The following CSMD1 variants were observed in gnomAD, a reference collection of about 807,000 sequenced individuals.
CSMD1 encodes the protein CUB and sushi domain-containing protein 1.
A neutral mutation model predicts 417.5 loss-of-function variants in CSMD1; 213 were observed. The observed-to-expected ratio is 0.51, with a 90% confidence interval of 0.46 to 0.57. The LOEUF (loss-of-function observed/expected upper bound fraction) is 0.57. CSMD1 is among the 20% of genes least tolerant of loss of function. The pLI is 0.00. For synonymous variants in CSMD1, 2,862 were observed against 1,736.8 expected (o/e 1.65, Z -16.11); for missense variants, 6,923 against 4,529.7 (o/e 1.53, Z -15.17).
intron 57 of CSMD1, among the ~76,000 whole-genome samples, chr8:2,969,644 G>C (rs1162697188): frequency 6.6e-6 from 1 of 152,148 alleles, no homozygotes; most frequent in African/African-American, 2.4e-5. Flanking sequence ...GATTAGTCAA[G>C]TCATAGCTAG....
Position 4,131,138 on chromosome 8 carries a change from A to T in CSMD1, c.416-99039T>A, listed in dbSNP as rs1046214281. On this transcript the variant is annotated intron_variant, in intron 3 of 69. Coordinates refer to ENST00000635120, the MANE Select transcript of CSMD1 (RefSeq NM_033225.6). ...ACTGCTTATTCATTTACAAGTTATA[A>T]TCATAATGTAGATTTTAGACAAAAG... Among the ~76,000 whole-genome samples the T allele has an allele frequency of 2.6e-5, 4 of 152,304 alleles. No individual in the cohort carries two copies. In the East Asian group the frequency reaches 7.7e-4, roughly 29 times the overall value.
At chr8:4,446,530 G>C (rs771682410) in intron 2 of CSMD1, among the ~76,000 whole-genome samples, 2 of 152,158 alleles carry the variant, frequency 1.3e-5, no homozygotes, top group African/African-American at 2.4e-5. Context: ...CTGGGCAGCA[G>C]AATGAGACCC....
At chr8:3,591,179 C>G (rs879618170) in intron 8 of CSMD1, among the ~76,000 whole-genome samples, 9 of 152,156 alleles carry the variant, frequency 5.9e-5, no homozygotes, top group African/African-American at 1.9e-4. Context: ...ATACATGGTA[C>G]ATTGACAATA....
intron 10 of CSMD1, among the ~76,000 whole-genome samples, chr8:3,574,610 A>G (rs1343610259): frequency 6.6e-6 from 1 of 152,332 alleles, no homozygotes; most frequent in Non-Finnish European, 1.5e-5. Flanking sequence ...CATACTATGC[A>G]TAAATACTGT....
chr8:3,014,898 A>G (rs1808707543), intron 52 of CSMD1, among the ~76,000 whole-genome samples: 1 of 152,208 alleles, frequency 6.6e-6, no homozygotes, highest in East Asian at 1.9e-4. Flanking sequence ...CCTGGGTAAC[A>G]CAGTGAGACC....
Position 4,155,358 on chromosome 8 carries a change from C to A in CSMD1, c.416-123259G>T, listed in dbSNP as rs745475182. On this transcript the variant is annotated intron_variant, in intron 3 of 69. Transcript: ENST00000635120. ...GCATGACTCCCGCAGGGTAAACAGC[C>A]ACGCTGCTTCTAATGCTCTGCTGTA... Among the ~76,000 whole-genome samples, 4 of 152,146 alleles carry A rather than the reference C, an allele frequency of 2.6e-5. 1 individual carries two copies. The highest frequency in any genetic ancestry group is 9.7e-5 in the African/African-American group (4 of 41,404).
At chr8:4,567,807 G>C (rs75914643) in intron 2 of CSMD1, among the ~76,000 whole-genome samples, 11 of 152,274 alleles carry the variant, frequency 7.2e-5, no homozygotes, top group African/African-American at 2.6e-4. Context: ...GAAAAAAAAA[G>C]TGAGGCAGCA....
intron 5 of CSMD1, among the ~76,000 whole-genome samples, chr8:3,847,208 T>C (rs943913827): frequency 3.9e-5 from 6 of 152,138 alleles, no homozygotes; most frequent in Non-Finnish European, 8.8e-5. Context: ...CTTACCATTA[T>C]GTTACATTAC....
Position 2,999,900 on chromosome 8 carries a change from A to C in CSMD1, c.8203+58T>G, listed in dbSNP as rs1427812858. 2.7e-6 allele frequency: 4 copies of C among 1,490,760 alleles called. No homozygotes were observed. In the East Asian group the frequency reaches 9.2e-5, roughly 34 times the overall value. 92.3% of individuals were successfully genotyped at this position (1,490,760 alleles called of 1,614,324 possible). On this transcript the variant is annotated intron_variant, in intron 53 of 69. Coordinates refer to ENST00000635120, the MANE Select transcript of CSMD1 (RefSeq NM_033225.6). ...CAGGTGTATATTGTGACCTAATAACAAAAGACAATGTGGCAAAAGGAAGCA... is the reference window on the plus strand; with the variant it reads ...CAGGTGTATATTGTGACCTAATAACCAAAGACAATGTGGCAAAAGGAAGCA...
At chr8:4,217,615 T>C (rs1800760634) in intron 3 of CSMD1, among the ~76,000 whole-genome samples, 2 of 152,068 alleles carry the variant, frequency 1.3e-5, no homozygotes, top group Non-Finnish European at 2.9e-5. Context: ...GCAAGTTATC[T>C]TTTGAGAAAC....
At chr8:4,680,918 C>A (rs1466310017) in intron 1 of CSMD1, among the ~76,000 whole-genome samples, 2 of 151,480 alleles carry the variant, frequency 1.3e-5, no homozygotes, top group African/African-American at 4.9e-5. Context: ...AGCACACACA[C>A]ACACACACAA....
chr8:3,868,421 C>G (rs1466265899), intron 5 of CSMD1, among the ~76,000 whole-genome samples: 1 of 152,130 alleles, frequency 6.6e-6, no homozygotes, highest in African/African-American at 2.4e-5. Context: ...ACAAGGGCAG[C>G]TGGGGGGCAG....
At chr8:3,837,109 A>G (rs1477550569) in intron 5 of CSMD1, among the ~76,000 whole-genome samples, 2 of 151,576 alleles carry the variant, frequency 1.3e-5, no homozygotes, top group African/African-American at 2.4e-5. Flanking sequence ...GTAGATTACC[A>G]TTCAGTATTA....
chr8:4,925,106 T>C (rs1351538290), intron 1 of CSMD1, among the ~76,000 whole-genome samples: 1 of 151,968 alleles, frequency 6.6e-6, no homozygotes, highest in Middle Eastern at 3.4e-3. Context: ...CAGAATGAAC[T>C]AGCATTATAA....
At chr8:4,850,941 G>A (rs1038156762) in intron 1 of CSMD1, among the ~76,000 whole-genome samples, 1 of 119,502 alleles carries the variant, frequency 8.4e-6, no homozygotes, top group Non-Finnish European at 1.8e-5. Flanking sequence ...TTTTATCCTT[G>A]TTAATTTCCT....
chr8:3,422,828 G>A (rs1476367422), intron 12 of CSMD1, among the ~76,000 whole-genome samples: 1 of 152,196 alleles, frequency 6.6e-6, no homozygotes, highest in Non-Finnish European at 1.5e-5. Flanking sequence ...GGGAAGGTTG[G>A]TGTCTGATGA....
intron 5 of CSMD1, among the ~76,000 whole-genome samples, chr8:3,805,359 C>G (rs919138644): frequency 1.3e-5 from 2 of 152,126 alleles, no homozygotes; most frequent in African/African-American, 4.8e-5. Flanking sequence ...ACCAGAATTA[C>G]AAAGAGAGGA....
At chr8:3,557,361 C>G (rs1799202943) in intron 10 of CSMD1, among the ~76,000 whole-genome samples, 1 of 152,152 alleles carries the variant, frequency 6.6e-6, no homozygotes. Context: ...ACATTCCAAA[C>G]TTGGCCATTA....
rs547664724 is a variant in CSMD1, at chr8:4,458,460, T to C, written c.303-38395A>G. On this transcript the variant is annotated intron_variant, in intron 2 of 69. Coordinates refer to ENST00000635120, the MANE Select transcript of CSMD1 (RefSeq NM_033225.6). ...CTAAAACAGTCTGAAGTTAAAGTTA[T>C]GTGTAACTACTATTGCTAAGCATGC... Among the ~76,000 whole-genome samples the C allele has an allele frequency of 2.0e-5, 3 of 152,330 alleles. No homozygotes were observed. In the East Asian group the frequency reaches 5.8e-4, roughly 29 times the overall value.
Sources: allele counts gnomAD v4.1 joint callset (sites outside exome capture counted in the v4.1 genomes callset), GRCh38; gene constraint gnomAD v4.1.1; transcripts MANE v1.5; gene names NCBI Gene and HGNC (gene_info 2026-07-23, HGNC 2026-07-21).